PRRX1: variants seen among roughly 807,000 people sequenced by gnomAD.
PRRX1 encodes paired related homeobox 1.
Under a neutral mutation model 24.0 loss-of-function variants are expected in PRRX1, and 8 were observed. The observed-to-expected ratio is 0.33, with a 90% CI of 0.20 to 0.60. PRRX1 has a LOEUF of 0.60. Among genes scored for constraint, PRRX1 ranks in the 20% least tolerant of loss-of-function variants. The probability of loss-of-function intolerance (pLI) is 0.82; values close to 1 mark genes in which losing one functional copy is unlikely to be tolerated. For missense variants in PRRX1, 281 were observed against 322.4 expected (o/e 0.87, Z 0.98); for synonymous variants, 160 against 131.7 (o/e 1.22, Z -1.47).
At chr1:170,717,604 TTTTC>T (rs1654947198) in intron 1 of PRRX1, among the ~76,000 whole-genome samples, 1 of 151,804 alleles carries the variant, frequency 6.6e-6, no homozygotes, top group African/African-American at 2.4e-5. Context: ...AGCTAAGGAT[TTTTC>T]TTTTTTTTTT....
At chr1:170,684,381 G>T (rs940060649) in intron 1 of PRRX1, among the ~76,000 whole-genome samples, 4 of 152,184 alleles carry the variant, frequency 2.6e-5, no homozygotes, top group Admixed American at 6.5e-5. Flanking sequence ...CAGGCTATGA[G>T]AATTTTAAAC....
intron 1 of PRRX1, among the ~76,000 whole-genome samples, chr1:170,716,391 C>T (rs1424416258): frequency 2.0e-5 from 3 of 152,002 alleles, no homozygotes; most frequent in Non-Finnish European, 4.4e-5. Flanking sequence ...GAGACCATCC[C>T]GGCTAACACG....
intron 1 of PRRX1, among the ~76,000 whole-genome samples, chr1:170,686,478 G>C (rs1226411033): frequency 6.6e-6 from 1 of 151,528 alleles, no homozygotes; most frequent in Non-Finnish European, 1.5e-5. Context: ...TAGAGCCTTG[G>C]GGAGTGGGTC....
intron 1 of PRRX1, among the ~76,000 whole-genome samples, chr1:170,676,062 AG>A (rs1229198218): frequency 6.6e-6 from 1 of 152,190 alleles, no homozygotes; most frequent in East Asian, 1.9e-4. Flanking sequence ...CTAATCCTCA[AG>A]ATCAGGGGAA....
intron 1 of PRRX1, among the ~76,000 whole-genome samples, chr1:170,683,451 T>C (rs1653623225): frequency 6.6e-6 from 1 of 152,140 alleles, no homozygotes; most frequent in Non-Finnish European, 1.5e-5. Flanking sequence ...ACATTCATCT[T>C]TCTTAGTCTC....
chr1:170,670,341 A>G (rs552355665), intron 1 of PRRX1, among the ~76,000 whole-genome samples: 1 of 152,350 alleles, frequency 6.6e-6, no homozygotes, highest in East Asian at 1.9e-4. Flanking sequence ...GTGAGCAGGC[A>G]AGCACTCAAA....
chr1:170,709,100 A>G (rs1487122034), intron 1 of PRRX1, among the ~76,000 whole-genome samples: 1 of 152,208 alleles, frequency 6.6e-6, no homozygotes, highest in African/African-American at 2.4e-5. Context: ...TCATGAAGCT[A>G]TATTCTAGTG....
chr1:170,723,530 T>C (rs1280071002), intron 2 of PRRX1, among the ~76,000 whole-genome samples: 10 of 151,608 alleles, frequency 6.6e-5, no homozygotes, highest in African/African-American at 2.4e-4. Context: ...ATTTCTTGAA[T>C]GAGTAAATGA....
intron 1 of PRRX1, among the ~76,000 whole-genome samples, chr1:170,707,214 C>T (rs1654598154): frequency 6.6e-6 from 1 of 152,008 alleles, no homozygotes; most frequent in Non-Finnish European, 1.5e-5. Flanking sequence ...GAAGCTTTCT[C>T]CTCAAACTAA....
chr1:170,689,079 T>A (rs1653842397), intron 1 of PRRX1, among the ~76,000 whole-genome samples: 1 of 152,174 alleles, frequency 6.6e-6, no homozygotes, highest in East Asian at 1.9e-4. Context: ...ATTTAATCTA[T>A]CAGAATATGC....
chr1:170,723,498 C>T (rs576060414), intron 2 of PRRX1, among the ~76,000 whole-genome samples: 1 of 152,266 alleles, frequency 6.6e-6, no homozygotes, highest in South Asian at 2.1e-4. Context: ...TGGGCCTGGA[C>T]CATAGCAGGT....
chr1:170,696,521 T>TA (rs1348148937), intron 1 of PRRX1, among the ~76,000 whole-genome samples: 4 of 152,172 alleles, frequency 2.6e-5, no homozygotes, highest in African/African-American at 9.7e-5. Flanking sequence ...CAATGATTCT[T>TA]ACGAATTCAA....
chr1:170,667,593 T>C (rs936425164), intron 1 of PRRX1: 2 of 152,114 alleles, frequency 1.3e-5, no homozygotes, highest in East Asian at 3.9e-4. Context: ...ACAATGAGGC[T>C]CAGACTGTGA....
At chr1:170,732,416 C>T (rs904132525) in intron 3 of PRRX1, among the ~76,000 whole-genome samples, 3 of 152,138 alleles carry the variant, frequency 2.0e-5, no homozygotes, top group Admixed American at 6.6e-5. Context: ...ACTTCTAATG[C>T]CATTTTTGAA....
chr1:170,728,960 C>T (rs909202669), intron 3 of PRRX1: 1 of 152,176 alleles, frequency 6.6e-6, no homozygotes, highest in Non-Finnish European at 1.5e-5. Context: ...ACTATTATGT[C>T]AAGTTAGTTA....
At chr1:170,669,845 T>G (rs1175544631) in intron 1 of PRRX1, among the ~76,000 whole-genome samples, 1 of 152,268 alleles carries the variant, frequency 6.6e-6, no homozygotes, top group South Asian at 2.1e-4. Flanking sequence ...TTTCCCCCCT[T>G]TAGAAGAAGC....
intron 1 of PRRX1, among the ~76,000 whole-genome samples, chr1:170,688,352 A>G (rs1331814999): frequency 1.3e-5 from 2 of 151,912 alleles, no homozygotes; most frequent in South Asian, 2.1e-4. Context: ...TTTTTTTTCT[A>G]TTTTTCTTAA....
rs767497492 is a variant in PRRX1, at chr1:170,736,102, C to T, written c.654C>T (p.Ile218=). ...TCANNSPAQG[I]NMANSIANLR... is the part of the protein sequence containing the mutation. ...CCAACAATAGCCCTGCACAGGGCAT[C>T]AACATGGCCAACAGCATTGCCAACC... The change falls in exon 4 of 4, where the codon ATC becomes ATT. Residue 218 remains isoleucine, a synonymous_variant. Transcript: ENST00000239461. The T allele has an allele frequency of 1.2e-6, 2 of 1,614,106 alleles. No individual in the cohort carries two copies. The highest frequency in any genetic ancestry group is 1.7e-6 in the Non-Finnish European group (2 of 1,179,984).
At chr1:170,691,494 T>C (rs897374409) in intron 1 of PRRX1, among the ~76,000 whole-genome samples, 2 of 143,348 alleles carry the variant, frequency 1.4e-5, no homozygotes, top group South Asian at 4.6e-4. Flanking sequence ...TCCTTTCCTT[T>C]CCTTTCCTTT....
Sources: allele counts gnomAD v4.1 joint callset (sites outside exome capture counted in the v4.1 genomes callset), GRCh38; gene constraint gnomAD v4.1.1; transcripts MANE v1.5; gene names NCBI Gene and HGNC (gene_info 2026-07-23, HGNC 2026-07-21).